CUX2: variants seen among roughly 807,000 people sequenced by gnomAD.
CUX2 encodes the protein homeobox protein cut-like 2.
In CUX2, 40 loss-of-function variants were observed where a neutral mutation model predicts 144.8. That is an observed-to-expected ratio of 0.28 (90% CI 0.21 to 0.36). The LOEUF is 0.36. CUX2 is among the 10% of genes least tolerant of loss of function. The pLI is 1.00. For synonymous variants in CUX2, 827 were observed against 875.6 expected, an observed-to-expected ratio of 0.94 and a Z score of 0.98; for missense variants, 1,615 against 1,994.0, an observed-to-expected ratio of 0.81 and a Z score of 3.62.
intron 3 of CUX2, among the ~76,000 whole-genome samples, chr12:111,224,974 C>T (rs542842274): frequency 6.6e-6 from 1 of 152,256 alleles, no homozygotes; most frequent in East Asian, 1.9e-4. Flanking sequence ...GGTGCATTCG[C>T]AGCTCACTGC....
chr12:111,256,304 T>C (rs1883815350), intron 3 of CUX2, among the ~76,000 whole-genome samples: 1 of 152,074 alleles, frequency 6.6e-6, no homozygotes, highest in Non-Finnish European at 1.5e-5. Flanking sequence ...ACAACCAGCC[T>C]TCAGAGGCCA....
At chr12:111,128,501 C>G (rs1411153781) in intron 1 of CUX2, among the ~76,000 whole-genome samples, 2 of 152,168 alleles carry the variant, frequency 1.3e-5, no homozygotes, top group Non-Finnish European at 2.9e-5. Context: ...TTACTGGTGC[C>G]TTCAGGGCCT....
intron 1 of CUX2, among the ~76,000 whole-genome samples, chr12:111,187,105 G>A (rs984405875): frequency 2.0e-5 from 3 of 152,224 alleles, no homozygotes; most frequent in African/African-American, 7.2e-5. Flanking sequence ...TACGCTCTAA[G>A]TATGAATGTG....
chr12:111,283,087 G>A (rs947922824), intron 4 of CUX2, among the ~76,000 whole-genome samples: 4 of 152,038 alleles, frequency 2.6e-5, no homozygotes, highest in East Asian at 1.9e-4. Context: ...GTGTGGTGGC[G>A]CATGCCTGTA....
Position 111,300,540 on chromosome 12 carries a change from A to G in CUX2, c.753+1951A>G, listed in dbSNP as rs12582342. 6.1e-4 allele frequency among the ~76,000 whole-genome samples: 93 copies of G among 152,310 alleles called. No individual in the cohort carries two copies. In the East Asian group the frequency reaches 0.01, roughly 17 times the overall value. On this transcript the variant is annotated intron_variant, in intron 9 of 21. Transcript: ENST00000261726. The stretch of plus-strand genomic sequence containing the variant: ...TAGAAAGCAGTTCCTCCTCTGTTTT[A>G]CGGCTGTGTGGTGTTCCTCAGCAGG...
intron 4 of CUX2, among the ~76,000 whole-genome samples, chr12:111,276,531 C>T (rs1447699621): frequency 3.3e-5 from 5 of 152,174 alleles, no homozygotes; most frequent in African/African-American, 1.2e-4. Context: ...CTTTTTCTTG[C>T]CTAGTGACCT....
intron 1 of CUX2, among the ~76,000 whole-genome samples, chr12:111,101,323 G>A (rs1344513223): frequency 6.6e-6 from 1 of 152,078 alleles, no homozygotes; most frequent in East Asian, 1.9e-4. Flanking sequence ...TCCCCCAGAT[G>A]GCCACACCAC....
At chr12:111,296,394 A>C in intron 7 of CUX2, 79 bp from the exon 8 acceptor site, 1 of 1,297,248 alleles carries the variant, frequency 7.7e-7, no homozygotes, top group South Asian at 1.3e-5. Flanking sequence ...TCGCAGAAGG[A>C]GTGGGCTCCA....
intron 1 of CUX2, among the ~76,000 whole-genome samples, chr12:111,195,110 C>T (rs1324538117): frequency 6.6e-6 from 1 of 152,226 alleles, no homozygotes. Context: ...CACCTGCAGT[C>T]ACTGGTCCAC....
At chr12:111,045,108 G>A (rs1167422307) in intron 1 of CUX2, among the ~76,000 whole-genome samples, 1 of 152,174 alleles carries the variant, frequency 6.6e-6, no homozygotes, top group Non-Finnish European at 1.5e-5. Flanking sequence ...CCTCGGACCC[G>A]GCTGACATTC....
intron 1 of CUX2, among the ~76,000 whole-genome samples, chr12:111,161,661 A>C (rs972704178): frequency 6.6e-6 from 1 of 152,194 alleles, no homozygotes; most frequent in South Asian, 2.1e-4. Flanking sequence ...GGACTGAAAC[A>C]GGGCAGTTCA....
At chr12:111,050,192 C>A (rs1263976033) in intron 1 of CUX2, among the ~76,000 whole-genome samples, 1 of 151,584 alleles carries the variant, frequency 6.6e-6, no homozygotes, top group Non-Finnish European at 1.5e-5. Context: ...CCTGATACTA[C>A]ATTCTCTTCA....
rs956214029 is a variant in CUX2, at chr12:111,070,343, TC to T, written c.63+36105del. Among the ~76,000 whole-genome samples the T allele has an allele frequency of 1.5e-3, 221 of 149,416 alleles. 1 individual carries two copies. Among genetic ancestry groups the T allele is most frequent in the African/African-American group, 5.3e-3 (216 of 40,616 alleles). Reference sequence around the variant, plus strand: ...CCCTCTCTCCCTTCCTTCCTTCCCTTCCTCCCTTCCCTCTCTCCCTCCCTCC... The same window carrying T: ...CCCTCTCTCCCTTCCTTCCTTCCCTTCTCCCTTCCCTCTCTCCCTCCCTCC... On this transcript the variant is annotated intron_variant, in intron 1 of 21. Coordinates refer to ENST00000261726, the MANE Select transcript of CUX2 (RefSeq NM_015267.4).
At chr12:111,291,011 C>A (rs554996724) in intron 4 of CUX2, among the ~76,000 whole-genome samples, 8 of 152,136 alleles carry the variant, frequency 5.3e-5, no homozygotes, top group African/African-American at 1.9e-4. Flanking sequence ...TACAAGCATG[C>A]ACCACCACAC....
chr12:111,274,548 G>A (rs1410268270), intron 4 of CUX2, among the ~76,000 whole-genome samples: 1 of 152,126 alleles, frequency 6.6e-6, no homozygotes, highest in Non-Finnish European at 1.5e-5. Flanking sequence ...CTCTGTCCCT[G>A]TCCAAGCCAG....
At chr12:111,222,288 T>A (rs1881895363) in intron 3 of CUX2, among the ~76,000 whole-genome samples, 1 of 152,220 alleles carries the variant, frequency 6.6e-6, no homozygotes, top group African/African-American at 2.4e-5. Context: ...TAAACTTATT[T>A]TTACTTGGAG....
intron 16 of CUX2, among the ~76,000 whole-genome samples, chr12:111,313,063 C>T (rs1036279136): frequency 3.9e-5 from 6 of 151,984 alleles, no homozygotes; most frequent in Admixed American, 3.9e-4. Context: ...CTCTTTGTGC[C>T]TTCATCGTCT....
chr12:111,096,428 G>A (rs1456780197), intron 1 of CUX2, among the ~76,000 whole-genome samples: 1 of 152,106 alleles, frequency 6.6e-6, no homozygotes, highest in Non-Finnish European at 1.5e-5. Context: ...TGGGAGGCGG[G>A]GCCCTTTGCT....
intron 4 of CUX2, among the ~76,000 whole-genome samples, chr12:111,267,821 T>C: frequency 6.6e-6 from 1 of 152,040 alleles, no homozygotes; most frequent in Non-Finnish European, 1.5e-5. Flanking sequence ...TCTCTCTCTC[T>C]CTCCTTTTAA....
Sources: allele counts gnomAD v4.1 joint callset (sites outside exome capture counted in the v4.1 genomes callset), GRCh38; gene constraint gnomAD v4.1.1; transcripts MANE v1.5; gene names NCBI Gene and HGNC (gene_info 2026-07-23, HGNC 2026-07-21).